CORIN: variants seen among roughly 807,000 people sequenced by gnomAD.
The protein encoded by CORIN is atrial natriuretic peptide-converting enzyme.
A neutral mutation model predicts 125.3 loss-of-function variants in CORIN; 117 were observed. The observed-to-expected ratio is 0.93, with a 90% CI of 0.80 to 1.09. The LOEUF (loss-of-function observed/expected upper bound fraction) is 1.09, where lower values mean the gene tolerates loss of function less well. CORIN is among the 50% of genes least tolerant of loss of function. The probability of loss-of-function intolerance (pLI) is 0.00; values close to 1 mark genes in which losing one functional copy is unlikely to be tolerated. For missense variants in CORIN, 1,253 were observed against 1,306.7 expected, an observed-to-expected ratio of 0.96 and a Z score of 0.63; for synonymous variants, 450 against 466.4, an observed-to-expected ratio of 0.96 and a Z score of 0.45.
chr4:47,837,011 C>T (rs1024307177), intron 1 of CORIN, among the ~76,000 whole-genome samples: 2 of 152,232 alleles, frequency 1.3e-5, no homozygotes, highest in Non-Finnish European at 2.9e-5. Context: ...ATTAGACCTT[C>T]TTCCTGGGGG....
chr4:47,789,440 G>A (rs2109922387), intron 2 of CORIN, among the ~76,000 whole-genome samples: 1 of 152,250 alleles, frequency 6.6e-6, no homozygotes, highest in East Asian at 1.9e-4. Flanking sequence ...CAGCTTCATT[G>A]CTCTTAAGCT....
intron 6 of CORIN, among the ~76,000 whole-genome samples, chr4:47,687,297 T>C (rs1269211720): frequency 6.6e-6 from 1 of 152,178 alleles, no homozygotes; most frequent in East Asian, 1.9e-4. Context: ...GATCACAGTG[T>C]CTCCTTTTAC....
intron 1 of CORIN, among the ~76,000 whole-genome samples, chr4:47,833,521 CAAAAA>C (rs75657429): frequency 1.7e-4 from 20 of 115,022 alleles, no homozygotes; most frequent in Admixed American, 2.5e-4. Flanking sequence ...AAAGCATAGG[CAAAAA>C]AAAAAAAAAA....
chr4:47,693,297 A>C (rs1725853618), intron 5 of CORIN, among the ~76,000 whole-genome samples: 1 of 152,220 alleles, frequency 6.6e-6, no homozygotes, highest in African/African-American at 2.4e-5. Context: ...TGCTTGTCTG[A>C]GGAAAGCAGG....
intron 19 of CORIN, among the ~76,000 whole-genome samples, chr4:47,611,469 C>T (rs1343818294): frequency 6.6e-6 from 1 of 152,164 alleles, no homozygotes; most frequent in African/African-American, 2.4e-5. Flanking sequence ...GCTAAAGTTG[C>T]TTATCAGTTT....
chr4:47,710,995 G>A (rs1238085686), intron 5 of CORIN, among the ~76,000 whole-genome samples: 3 of 152,206 alleles, frequency 2.0e-5, no homozygotes, highest in East Asian at 3.9e-4. Flanking sequence ...CTGTGCCCCT[G>A]CAGAAGTCAC....
chr4:47,805,004 C>T (rs370287979), intron 2 of CORIN, among the ~76,000 whole-genome samples: 25 of 151,142 alleles, frequency 1.7e-4, no homozygotes, highest in Admixed American at 5.3e-4. Flanking sequence ...GGCGTGGTGG[C>T]GGGCGCCTGT....
intron 12 of CORIN, among the ~76,000 whole-genome samples, chr4:47,656,457 C>A (rs1723986327): frequency 6.6e-6 from 1 of 152,038 alleles, no homozygotes. Context: ...CTCCCGGTGA[C>A]CATTTAGGAT....
chr4:47,802,258 A>C (rs1481094473), intron 2 of CORIN, among the ~76,000 whole-genome samples: 1 of 152,120 alleles, frequency 6.6e-6, no homozygotes, highest in African/African-American at 2.4e-5. Context: ...TCTCTCTGGC[A>C]CCTGAGGTGA....
At chr4:47,733,208 G>C (rs967955054) in intron 5 of CORIN, among the ~76,000 whole-genome samples, 2 of 152,110 alleles carry the variant, frequency 1.3e-5, no homozygotes, top group Non-Finnish European at 2.9e-5. Flanking sequence ...CTACCACTTA[G>C]GTATTATTAT....
intron 1 of CORIN, among the ~76,000 whole-genome samples, chr4:47,808,122 A>T (rs1419380000): frequency 6.6e-6 from 1 of 152,076 alleles, no homozygotes; most frequent in Non-Finnish European, 1.5e-5. Context: ...TCTTCAAACT[A>T]GTTCTTCTCC....
chr4:47,604,876 C>T (rs1195567863), intron 19 of CORIN, among the ~76,000 whole-genome samples: 2 of 152,194 alleles, frequency 1.3e-5, no homozygotes, highest in Non-Finnish European at 2.9e-5. Context: ...TTAGATCAAT[C>T]CATCTTCTGC....
At chr4:47,756,555 T>C (rs1729155219) in intron 4 of CORIN, among the ~76,000 whole-genome samples, 1 of 152,210 alleles carries the variant, frequency 6.6e-6, no homozygotes, top group Non-Finnish European at 1.5e-5. Flanking sequence ...TAAAGAAAAC[T>C]GTAGTATACT....
rs749117753 is a variant in CORIN at position 47,665,231 on chromosome 4, T to C, written c.1390A>G (p.Met464Val). 17 of 1,613,908 alleles carry C rather than the reference T, an allele frequency of 1.1e-5. No homozygotes were observed. Among genetic ancestry groups the C allele is most frequent in the South Asian group, 2.2e-5 (2 of 91,068 alleles). The change falls in exon 11 of 22, where the codon ATG becomes GTG. Residue 464 changes from methionine (M) to valine (V), a missense_variant. Transcript: ENST00000273857. ...QCEPITLELC[M>V]NLPYNSTSYP... ...CTTGTACTGTTGTAGGGCAAATTCA[T>C]GCAGAGTTCCAATGTAATTGGTTCA... is the stretch of plus-strand genomic sequence containing the variant.
chr4:47,697,021 C>G (rs998122009), intron 5 of CORIN, among the ~76,000 whole-genome samples: 1 of 152,202 alleles, frequency 6.6e-6, no homozygotes, highest in African/African-American at 2.4e-5. Flanking sequence ...AAAGCTGACA[C>G]AGCTCTGCAC....
At chr4:47,751,849 A>C (rs1271556506) in intron 4 of CORIN, among the ~76,000 whole-genome samples, 1 of 152,230 alleles carries the variant, frequency 6.6e-6, no homozygotes, top group Non-Finnish European at 1.5e-5. Context: ...GTGTTTGCTA[A>C]AGGAATAAAT....
chr4:47,771,638 A>G (rs1218930575), intron 3 of CORIN, among the ~76,000 whole-genome samples: 1 of 152,040 alleles, frequency 6.6e-6, no homozygotes, highest in East Asian at 1.9e-4. Flanking sequence ...GTTTCCCTCT[A>G]TGTGTCCATG....
intron 5 of CORIN, among the ~76,000 whole-genome samples, chr4:47,709,819 G>T (rs2109774804): frequency 6.6e-6 from 1 of 152,238 alleles, no homozygotes; most frequent in South Asian, 2.1e-4. Context: ...CACAGACAAG[G>T]TTGCAAGCAA....
chr4:47,837,748 G>C, intron 1 of CORIN, 139 bp downstream of exon 1: 1 of 822,158 alleles, frequency 1.2e-6, no homozygotes, highest in South Asian at 1.3e-5. Flanking sequence ...CTGTCAGAGC[G>C]GGAGCTCACC....
Sources: allele counts gnomAD v4.1 joint callset (sites outside exome capture counted in the v4.1 genomes callset), GRCh38; gene constraint gnomAD v4.1.1; transcripts MANE v1.5; gene names NCBI Gene and HGNC (gene_info 2026-07-23, HGNC 2026-07-21).